The following KCNH8 variants were observed in gnomAD, a reference collection of about 807,000 sequenced individuals.
The protein encoded by KCNH8 is potassium voltage-gated channel subfamily H member 8, also known as voltage-gated delayed rectifier potassium channel KCNH8.
In KCNH8, 70 loss-of-function variants were observed where a neutral mutation model predicts 103.6. That is an observed-to-expected ratio of 0.68 (90% CI 0.56 to 0.82). The LOEUF is 0.82. KCNH8 is among the 40% of genes least tolerant of loss of function. KCNH8 has a pLI of 0.00. For synonymous variants in KCNH8, 498 were observed against 489.4 expected (o/e 1.02, Z -0.23); for missense variants, 1,217 against 1,329.9 (o/e 0.92, Z 1.32).
intron 11 of KCNH8, among the ~76,000 whole-genome samples, chr3:19,496,359 G>C (rs117410353): frequency 6.6e-6 from 1 of 152,068 alleles, no homozygotes; most frequent in African/African-American, 2.4e-5. Flanking sequence ...TTATTTTAAA[G>C]TATATTCCTT....
intron 2 of KCNH8, among the ~76,000 whole-genome samples, chr3:19,254,494 G>A (rs2064322521): frequency 6.6e-6 from 1 of 152,074 alleles, no homozygotes; most frequent in Non-Finnish European, 1.5e-5. Context: ...GGAAATACTA[G>A]GTCTTTTCTT....
intron 7 of KCNH8, among the ~76,000 whole-genome samples, chr3:19,423,450 CT>C (rs2066980127): frequency 6.6e-6 from 1 of 151,574 alleles, no homozygotes; most frequent in African/African-American, 2.4e-5. Context: ...ACCCTTCCCC[CT>C]GAGTCCATTA....
intron 8 of KCNH8, among the ~76,000 whole-genome samples, chr3:19,446,352 T>C (rs2067362519): frequency 1.3e-5 from 2 of 152,012 alleles, no homozygotes; most frequent in African/African-American, 4.8e-5. Context: ...AGCATTATTA[T>C]CACAAAGTAA....
chr3:19,373,249 T>C (rs1219268979), intron 5 of KCNH8, among the ~76,000 whole-genome samples: 1 of 152,056 alleles, frequency 6.6e-6, no homozygotes, highest in African/African-American at 2.4e-5. Flanking sequence ...CCTGGACTCT[T>C]TTTGGTTGGT....
intron 5 of KCNH8, among the ~76,000 whole-genome samples, chr3:19,375,236 G>T (rs2066173981): frequency 6.6e-6 from 1 of 151,856 alleles, no homozygotes; most frequent in African/African-American, 2.4e-5. Flanking sequence ...ATCACTTTCA[G>T]GTACACCAAT....
At chr3:19,149,434 T>C (rs1189066502) in intron 1 of KCNH8, among the ~76,000 whole-genome samples, 1 of 151,642 alleles carries the variant, frequency 6.6e-6, no homozygotes, top group Non-Finnish European at 1.5e-5. Context: ...GATTTGATGA[T>C]AAGAGAAAGT....
intron 3 of KCNH8, among the ~76,000 whole-genome samples, chr3:19,331,968 C>T (rs2065516900): frequency 6.6e-6 from 1 of 151,616 alleles, no homozygotes. Flanking sequence ...TCAAAATGGC[C>T]AATATCAGAA....
intron 1 of KCNH8, among the ~76,000 whole-genome samples, chr3:19,158,777 T>G (rs901707593): frequency 1.1e-4 from 16 of 152,086 alleles, no homozygotes; most frequent in Middle Eastern, 3.4e-3. Flanking sequence ...CTTACTGACT[T>G]TCTCCTATCC....
intron 2 of KCNH8, among the ~76,000 whole-genome samples, chr3:19,263,805 C>T (rs1437874165): frequency 1.3e-5 from 2 of 152,052 alleles, no homozygotes; most frequent in Non-Finnish European, 2.9e-5. Context: ...TGTTGCACAA[C>T]TTCAATATCT....
chr3:19,376,337 A>G (rs1410339533), intron 5 of KCNH8, among the ~76,000 whole-genome samples: 1 of 152,194 alleles, frequency 6.6e-6, no homozygotes, highest in Non-Finnish European at 1.5e-5. Context: ...AAAGCGCAGT[A>G]TTCGGGTAGG....
At chr3:19,461,860 C>A (rs534740317) in intron 11 of KCNH8, among the ~76,000 whole-genome samples, 25 of 152,236 alleles carry the variant, frequency 1.6e-4, no homozygotes, top group Middle Eastern at 6.8e-3. Context: ...TGTTCCCCGC[C>A]CTGTGTCCAA....
intron 1 of KCNH8, among the ~76,000 whole-genome samples, chr3:19,170,610 G>GTATACACACACATATATA (rs2063332341): frequency 1.6e-5 from 2 of 121,968 alleles, no homozygotes; most frequent in African/African-American, 7.8e-5. Context: ...ATATATATAT[G>GTATACACACACATATATA]TATACACACA....
intron 3 of KCNH8, among the ~76,000 whole-genome samples, chr3:19,326,655 GA>G (rs1289181604): frequency 6.6e-6 from 1 of 151,926 alleles, no homozygotes; most frequent in Non-Finnish European, 1.5e-5. Context: ...CTCCAGTTTT[GA>G]ATAAAGATAG....
chr3:19,186,927 G>A (rs2063508023), intron 1 of KCNH8, among the ~76,000 whole-genome samples: 1 of 151,984 alleles, frequency 6.6e-6, no homozygotes, highest in South Asian at 2.1e-4. Context: ...AATATTTTAG[G>A]TTTTGTGTGC....
At chr3:19,184,051 T>A (rs1039406650) in intron 1 of KCNH8, among the ~76,000 whole-genome samples, 12 of 152,106 alleles carry the variant, frequency 7.9e-5, no homozygotes, top group African/African-American at 2.7e-4. Context: ...AACATAAGCA[T>A]GCTCTTTGAC....
intron 11 of KCNH8, among the ~76,000 whole-genome samples, chr3:19,506,503 T>C (rs1306679505): frequency 6.6e-6 from 1 of 152,194 alleles, no homozygotes; most frequent in African/African-American, 2.4e-5. Context: ...AGGTAGGCAC[T>C]TGCTTGACCA....
rs912234170 is a variant in KCNH8 at position 19,240,349 on chromosome 3, A to T, written c.77-13305A>T. ...GAAATTAGGCCAGGCGCAGTGGCTC[A>T]TGCCTGTAATCCCATCACTTTGGGA... On this transcript the variant is annotated intron_variant, in intron 1 of 15. Transcript: ENST00000328405. Among the ~76,000 whole-genome samples the T allele has an allele frequency of 2.0e-5, 3 of 152,178 alleles. No individual in the cohort carries two copies. In the East Asian group the frequency reaches 5.8e-4, roughly 29 times the overall value.
intron 4 of KCNH8, chr3:19,346,604 T>G: frequency 2.2e-6 from 1 of 456,216 alleles, no homozygotes; most frequent in South Asian, 1.6e-5. Context: ...CAGTCACCAC[T>G]TAGAGCTAAA....
Position 19,456,869 on chromosome 3 carries a change from A to C in KCNH8, c.1927A>C (p.Ile643Leu). 2 of 1,612,146 alleles carry C rather than the reference A, an allele frequency of 1.2e-6. No homozygotes were observed. Among genetic ancestry groups the C allele is most frequent in the Non-Finnish European group, 1.7e-6 (2 of 1,178,534 alleles). Reference protein sequence around the residue: ...ALTYCDLQCIILKGLFEVLDL... With the variant: ...ALTYCDLQCILLKGLFEVLDL... ...AACCTACTGTGATCTCCAGTGTATC[A>C]TCCTCAAAGGACTCTTTGAAGTGCT... Residue 643 changes from isoleucine to leucine, a missense_variant, in exon 11 of 16, where the codon ATC becomes CTC. Around this residue, in one of 3 missense-constraint regions of KCNH8, gnomAD observed 415 missense variants for 577.4 expected, o/e 0.72. Coordinates refer to ENST00000328405, the MANE Select transcript of KCNH8 (RefSeq NM_144633.3).
Sources: gnomAD v4.1 joint callset for allele counts (sites outside exome capture counted in the v4.1 genomes callset) on GRCh38, gnomAD v4.1.1 for gene constraint, gnomAD v4.1.1 regional missense constraint, MANE v1.5 for transcripts, NCBI Gene and HGNC (gene_info 2026-07-23, HGNC 2026-07-21) for gene names.